Variants in RPN1 observed in about 807,000 individuals in gnomAD.
RPN1 encodes ribophorin I.
A neutral mutation model predicts 55.5 loss-of-function variants in RPN1; 12 were observed. The ratio of observed to expected loss-of-function variants is 0.22; its 90% CI spans 0.14 to 0.35. RPN1 has a LOEUF of 0.35. Ranked by LOEUF, RPN1 falls within the 10% of genes least tolerant of loss-of-function variation. RPN1 has a pLI of 1.00. For missense variants in RPN1, 679 were observed against 761.3 expected (o/e 0.89, Z 1.27); for synonymous variants, 317 against 305.9 (o/e 1.04, Z -0.38).
intron 3 of RPN1, among the ~76,000 whole-genome samples, chr3:128,634,054 A>G (rs2069660305): frequency 6.6e-6 from 1 of 152,044 alleles, no homozygotes; most frequent in Admixed American, 6.6e-5. Flanking sequence ...AGCCGGGCAC[A>G]GTGGCTCACA....
At chr3:128,631,454 GGC>G (rs2069641240) in intron 4 of RPN1, among the ~76,000 whole-genome samples, 1 of 151,562 alleles carries the variant, frequency 6.6e-6, no homozygotes, top group South Asian at 2.1e-4. Context: ...CTCCAGCCTG[GGC>G]AACAAGAGCA....
chr3:128,641,931 T>G (rs1327993368), intron 2 of RPN1, among the ~76,000 whole-genome samples: 3 of 152,264 alleles, frequency 2.0e-5, no homozygotes, highest in African/African-American at 7.2e-5. Flanking sequence ...CTCTTAGCCA[T>G]GATCATATCA....
Position 128,650,540 on chromosome 3 carries a change from C to G in RPN1, c.261G>C (p.Gln87His). 1 of 1,539,618 alleles carries G rather than the reference C, an allele frequency of 6.5e-7. No individual in the cohort carries two copies. The highest frequency in any genetic ancestry group is 8.7e-7 in the Non-Finnish European group (1 of 1,144,500). Residue 87 changes from glutamine to histidine, a missense_variant and splice_region_variant, in exon 1 of 10, where the codon CAG (glutamine) becomes CAC (histidine). Coordinates refer to ENST00000296255, the MANE Select transcript of RPN1 (RefSeq NM_002950.4). ...GCGGCGAGGGGTCGCCCACACTCAC[C>G]TGCACGCCCAGGTGCGCCAGCCGGG... ...LEARLAHLGV[Q>H]VKGEDEEENN...
intron 1 of RPN1, 151 bp downstream of exon 1, chr3:128,650,389 G>A: frequency 4.1e-6 from 3 of 738,818 alleles, no homozygotes; most frequent in South Asian, 4.5e-5. Context: ...CGCGGGCCCC[G>A]AGGCAATCCC....
intron 7 of RPN1, 76 bp from the exon 8 acceptor site, chr3:128,625,729 T>A: frequency 6.3e-7 from 1 of 1,599,936 alleles, no homozygotes; most frequent in East Asian, 2.2e-5. Flanking sequence ...GCTGGCCCAC[T>A]CGACCTGCTG....
rs2069689882 is a variant in RPN1, at chr3:128,637,569, C to A, written c.633+230G>T. On this transcript the variant is annotated intron_variant, in intron 3 of 9. Transcript: ENST00000296255. ...TGGAATGCCTTGCTTCCATCTCCAA[C>A]ACCCATTCCACCTCTCCAAATGCTA... Among the ~76,000 whole-genome samples the A allele has an allele frequency of 2.0e-5, 3 of 151,928 alleles. No individual in the cohort carries two copies. The South Asian group carries it at 6.2e-4, about 32-fold the overall frequency.
At chr3:128,630,867 A>G (rs565448582) in intron 4 of RPN1, among the ~76,000 whole-genome samples, 1 of 152,228 alleles carries the variant, frequency 6.6e-6, no homozygotes, top group Admixed American at 6.5e-5. Flanking sequence ...TAATCCCAGC[A>G]CTTTGGGAGG....
chr3:128,620,462 T>C lies in RPN1; in HGVS notation c.1773A>G (p.Gly591=). 6.2e-7 allele frequency: 1 copy of C among 1,614,110 alleles called. No homozygotes were observed. The highest frequency in any genetic ancestry group is 1.1e-5 in the South Asian group (1 of 91,072). ...TCTTGGTGACCAGCTCCTGGCGCTTTCCTGAGATGAGCTTCTCATTCTCAA... is the reference window on the plus strand; with the variant it reads ...TCTTGGTGACCAGCTCCTGGCGCTTCCCTGAGATGAGCTTCTCATTCTCAA... ...TYIENEKLIS[G]KRQELVTKID... Residue 591 remains glycine (G), a synonymous_variant, in exon 10 of 10, where the codon GGA becomes GGG. Coordinates refer to ENST00000296255, the MANE Select transcript of RPN1 (RefSeq NM_002950.4).
At chr3:128,632,221 CA>C in intron 3 of RPN1, 64 bp from the exon 4 acceptor site, 7 of 1,468,650 alleles carry the variant, frequency 4.8e-6, no homozygotes, top group Middle Eastern at 1.7e-4. Flanking sequence ...TAGTTTAAAT[CA>C]GATTGATTGG....
intron 8 of RPN1, among the ~76,000 whole-genome samples, chr3:128,623,736 G>A (rs967997349): frequency 1.3e-5 from 2 of 152,072 alleles, no homozygotes; most frequent in Non-Finnish European, 2.9e-5. Flanking sequence ...CCAGTTAATA[G>A]TATTAACTAA....
chr3:128,647,006 T>C (rs904759489), intron 1 of RPN1, among the ~76,000 whole-genome samples: 4 of 149,114 alleles, frequency 2.7e-5, no homozygotes, highest in African/African-American at 9.9e-5. Flanking sequence ...AGTGGCAAAA[T>C]ACCCTTGGGG....
intron 5 of RPN1, 53 bp downstream of exon 5, chr3:128,629,898 A>C: frequency 9.3e-7 from 1 of 1,080,834 alleles, no homozygotes; most frequent in Non-Finnish European, 1.4e-6. Flanking sequence ...GAAAGAAAAA[A>C]ATTCACGAAA....
In RPN1 at chr3:128,620,458, G is replaced by A. The variant is rs538846683; in HGVS notation, c.1777C>T (p.Arg593Cys). ...IENEKLISGK[R>C]QELVTKIDHI... Reference sequence around the variant, plus strand: ...TCGATCTTGGTGACCAGCTCCTGGCGCTTTCCTGAGATGAGCTTCTCATTC... The same window carrying A: ...TCGATCTTGGTGACCAGCTCCTGGCACTTTCCTGAGATGAGCTTCTCATTC... The change falls in exon 10 of 10, where the codon CGC becomes TGC. Residue 593 changes from arginine (R) to cysteine (C), a missense_variant. Arg to Cys is a radical substitution (Grantham distance 180). Transcript: ENST00000296255. 9.3e-6 allele frequency: 15 copies of A among 1,613,978 alleles called. No individual in the cohort carries two copies. The highest frequency in any genetic ancestry group is 2.2e-5 in the East Asian group (1 of 44,870).
rs775820476 is a variant in RPN1 at position 128,650,541 on chromosome 3, T to A, written c.260A>T (p.Gln87Leu). 105 of 1,539,748 alleles carry A rather than the reference T, an allele frequency of 6.8e-5. 1 individual carries two copies. In the South Asian group the frequency reaches 1.2e-3, roughly 18 times the overall value. ...LEARLAHLGV[Q>L]VKGEDEEENN... ...CGGCGAGGGGTCGCCCACACTCACC[T>A]GCACGCCCAGGTGCGCCAGCCGGGC... Residue 87 changes from glutamine (Q) to leucine (L), a missense_variant and splice_region_variant, in exon 1 of 10, where the codon CAG becomes CTG. Transcript: ENST00000296255.
chr3:128,640,179 G>GA (rs995510485), intron 2 of RPN1, among the ~76,000 whole-genome samples: 5 of 151,124 alleles, frequency 3.3e-5, no homozygotes, highest in African/African-American at 4.9e-5. Context: ...CTCAAAAAAG[G>GA]AAAAAAAAGA....
rs1393720065 is a variant in RPN1, at chr3:128,620,257, A to G, written c.*154T>C. ...AGTTAAGGACAAACGGCAAACTCAC[A>G]CTGCCTGACGCAGGGCCTGGTTTCT... On this transcript the variant is annotated 3_prime_UTR_variant, in exon 10 of 10. Coordinates refer to ENST00000296255, the MANE Select transcript of RPN1 (RefSeq NM_002950.4). 8 of 476,750 alleles carry G rather than the reference A, an allele frequency of 1.7e-5. No homozygotes were observed. The highest frequency in any genetic ancestry group is 2.8e-5 in the Non-Finnish European group (8 of 289,000). The allele number at this position is 476,750 out of a possible 1,614,324, so 29.5% of individuals were successfully genotyped here.
intron 1 of RPN1, among the ~76,000 whole-genome samples, chr3:128,646,372 G>A (rs1461360175): frequency 6.6e-6 from 1 of 151,690 alleles, no homozygotes; most frequent in African/African-American, 2.4e-5. Flanking sequence ...GCCTAAAACT[G>A]TTTCTTCACT....
chr3:128,630,531 T>C (rs752283711), intron 4 of RPN1, among the ~76,000 whole-genome samples: 46 of 152,224 alleles, frequency 3.0e-4, no homozygotes, highest in Non-Finnish European at 4.6e-4. Context: ...TTCTACCTGA[T>C]ATACTTTATT....
Position 128,650,786 on chromosome 3 carries a change from G to A in RPN1, c.15C>T (p.Ala5=), listed in dbSNP as rs919717895. MEAP[A]AGLFLLLLLG... is the part of the protein sequence containing the mutation. ...GCAACAGGAGCAGAAACAAGCCGGC[G>A]GCTGGCGCCTCCATGACCGGGAAGA... Residue 5 remains alanine (A), a synonymous_variant, in exon 1 of 10, where the codon GCC becomes GCT. Coordinates refer to ENST00000296255, the MANE Select transcript of RPN1 (RefSeq NM_002950.4). 54 of 1,536,022 alleles carry A rather than the reference G, an allele frequency of 3.5e-5. No individual in the cohort carries two copies. In the Middle Eastern group the frequency reaches 5.5e-4, roughly 16 times the overall value.
Sources: allele counts gnomAD v4.1 joint callset (sites outside exome capture counted in the v4.1 genomes callset), GRCh38; gene constraint gnomAD v4.1.1; transcripts MANE v1.5; gene names NCBI Gene and HGNC (gene_info 2026-07-23, HGNC 2026-07-21).